EPHA6: variants seen among roughly 807,000 people sequenced by gnomAD.
The protein encoded by EPHA6 is ephrin type-A receptor 6.
Under a neutral mutation model 112.0 loss-of-function variants are expected in EPHA6, and 50 were observed. That is an observed-to-expected ratio of 0.45 (90% CI 0.36 to 0.56). The LOEUF (loss-of-function observed/expected upper bound fraction) is 0.56, where lower values mean the gene tolerates loss of function less well. Ranked by LOEUF, EPHA6 falls within the 20% of genes least tolerant of loss-of-function variation. The pLI is 0.00. For missense variants in EPHA6, 1,280 were observed against 1,417.4 expected (o/e 0.90, Z 1.56); for synonymous variants, 529 against 490.7 (o/e 1.08, Z -1.03).
intron 5 of EPHA6, among the ~76,000 whole-genome samples, chr3:97,385,445 A>G (rs1204078476): frequency 1.3e-5 from 2 of 152,200 alleles, no homozygotes; most frequent in Non-Finnish European, 2.9e-5. Context: ...AAAAGGACAT[A>G]GTATGTACTT....
intron 3 of EPHA6, among the ~76,000 whole-genome samples, chr3:97,155,796 A>C (rs1294835843): frequency 6.6e-6 from 1 of 152,098 alleles, no homozygotes; most frequent in African/African-American, 2.4e-5. Context: ...GGGTTCCTAC[A>C]TCTCAGAGCC....
chr3:97,466,729 G>A (rs2107419490), intron 7 of EPHA6, among the ~76,000 whole-genome samples: 1 of 152,036 alleles, frequency 6.6e-6, no homozygotes, highest in East Asian at 1.9e-4. Flanking sequence ...CAAGCATGCT[G>A]ACTGGAGTCA....
intron 5 of EPHA6, among the ~76,000 whole-genome samples, chr3:97,389,105 T>C (rs2086249933): frequency 1.3e-5 from 2 of 152,064 alleles, no homozygotes; most frequent in South Asian, 4.1e-4. Context: ...CAAAGACAAA[T>C]TCATACAAAT....
At chr3:96,990,060 A>G (rs1210363452) in intron 3 of EPHA6, among the ~76,000 whole-genome samples, 1 of 152,200 alleles carries the variant, frequency 6.6e-6, no homozygotes, top group East Asian at 1.9e-4. Context: ...CATATTTTAA[A>G]TTAGGTAGAA....
At chr3:96,966,981 T>C (rs2042144295) in intron 2 of EPHA6, among the ~76,000 whole-genome samples, 1 of 152,010 alleles carries the variant, frequency 6.6e-6, no homozygotes. Flanking sequence ...CTTAATTCTG[T>C]GTCATTTTAA....
chr3:97,145,048 G>T (rs2076004896), intron 3 of EPHA6, among the ~76,000 whole-genome samples: 1 of 151,438 alleles, frequency 6.6e-6, no homozygotes, highest in Middle Eastern at 3.4e-3. Flanking sequence ...AAATGGTATA[G>T]AATATAAGTA....
intron 1 of EPHA6, among the ~76,000 whole-genome samples, chr3:96,847,573 A>T (rs904206772): frequency 6.6e-6 from 1 of 152,110 alleles, no homozygotes; most frequent in South Asian, 2.1e-4. Context: ...ATAAACAGGT[A>T]TATCAGTATG....
intron 3 of EPHA6, among the ~76,000 whole-genome samples, chr3:97,147,507 A>G (rs1431664555): frequency 6.6e-6 from 1 of 151,998 alleles, no homozygotes; most frequent in African/African-American, 2.4e-5. Context: ...TCTCATCTTG[A>G]TTACTTTTCT....
At chr3:97,536,226 A>G (rs569079091) in intron 11 of EPHA6, among the ~76,000 whole-genome samples, 1 of 152,268 alleles carries the variant, frequency 6.6e-6, no homozygotes, top group South Asian at 2.1e-4. Flanking sequence ...TATATAACCA[A>G]CAGAGAAAGA....
chr3:97,107,877 G>A (rs1265082697), intron 3 of EPHA6, among the ~76,000 whole-genome samples: 2 of 151,942 alleles, frequency 1.3e-5, no homozygotes, highest in African/African-American at 4.8e-5. Flanking sequence ...AGTTATTTCA[G>A]CCTAAGGATC....
chr3:97,007,831 G>A (rs781618577), intron 3 of EPHA6, among the ~76,000 whole-genome samples: 1 of 152,174 alleles, frequency 6.6e-6, no homozygotes, highest in Non-Finnish European at 1.5e-5. Context: ...TTGTTTGTCT[G>A]TAAAGGATTT....
chr3:97,301,346 G>A (rs1230647598), intron 5 of EPHA6, among the ~76,000 whole-genome samples: 2 of 152,104 alleles, frequency 1.3e-5, no homozygotes, highest in African/African-American at 4.8e-5. Context: ...GCAGATTTAA[G>A]TATTACCTCT....
intron 1 of EPHA6, 82 bp downstream of exon 1, chr3:96,815,090 G>A: frequency 7.3e-7 from 1 of 1,365,732 alleles, no homozygotes; most frequent in Non-Finnish European, 9.7e-7. Flanking sequence ...CCTCCTGCAG[G>A]TAACTTTGTA....
At chr3:96,951,604 A>G (rs1437632217) in intron 2 of EPHA6, among the ~76,000 whole-genome samples, 9 of 152,148 alleles carry the variant, frequency 5.9e-5, no homozygotes, top group Admixed American at 2.6e-4. Flanking sequence ...ATGTCATAAC[A>G]TCTTCATAAT....
intron 6 of EPHA6, among the ~76,000 whole-genome samples, chr3:97,435,455 G>A (rs1315598081): frequency 1.3e-5 from 2 of 152,158 alleles, no homozygotes; most frequent in East Asian, 3.9e-4. Flanking sequence ...ACAAAGTTGT[G>A]GAAAGAAAAC....
At chr3:97,294,691 C>A (rs1332369442) in intron 5 of EPHA6, among the ~76,000 whole-genome samples, 4 of 152,076 alleles carry the variant, frequency 2.6e-5, no homozygotes, top group African/African-American at 9.7e-5. Context: ...TGTGTGATTG[C>A]TCTACCAGTG....
intron 6 of EPHA6, among the ~76,000 whole-genome samples, chr3:97,410,070 A>G (rs2087612040): frequency 6.6e-6 from 1 of 152,092 alleles, no homozygotes; most frequent in Non-Finnish European, 1.5e-5. Context: ...ATTTTTATCA[A>G]TCAGGGATGA....
At chr3:97,113,850 A>G (rs2047801061) in intron 3 of EPHA6, among the ~76,000 whole-genome samples, 1 of 152,238 alleles carries the variant, frequency 6.6e-6, no homozygotes, top group Middle Eastern at 3.4e-3. Context: ...ATTCAGCTAT[A>G]AGGAAAAGAA....
Position 97,748,576 on chromosome 3 carries a change from C to T in EPHA6, c.3279-11C>T. 3.4e-6 allele frequency: 5 copies of T among 1,456,960 alleles called. No individual in the cohort carries two copies. The South Asian group carries it at 4.6e-5, about 13-fold the overall frequency. The allele number at this position is 1,456,960 out of a possible 1,614,324, so 90.3% of individuals were successfully genotyped here. On this transcript the variant is annotated splice_polypyrimidine_tract_variant and intron_variant, in intron 17 of 17. Transcript: ENST00000389672. ...CTCTCGCTCTCACTCTTGCTCTCTC[C>T]TTTCTTTCAGTGACATTAGAAGAAT... is the stretch of plus-strand genomic sequence containing the variant.
Sources: gnomAD v4.1 joint callset for allele counts (sites outside exome capture counted in the v4.1 genomes callset) on GRCh38, gnomAD v4.1.1 for gene constraint, MANE v1.5 for transcripts, NCBI Gene and HGNC (gene_info 2026-07-23, HGNC 2026-07-21) for gene names.